MYH9: variants seen among roughly 807,000 people sequenced by gnomAD.
MYH9 encodes the protein myosin-9.
Under a neutral mutation model 241.9 loss-of-function variants are expected in MYH9, and 29 were observed. That is an observed-to-expected ratio of 0.12 (90% CI 0.09 to 0.16). The LOEUF (loss-of-function observed/expected upper bound fraction) is 0.16, where lower values mean the gene tolerates loss of function less well. MYH9 is among the 10% of genes least tolerant of loss of function. The pLI, the probability that MYH9 is intolerant of heterozygous loss-of-function variation, is 1.00. For synonymous variants in MYH9, 1,047 were observed against 1,062.6 expected, an observed-to-expected ratio of 0.99 and a Z score of 0.29; for missense variants, 1,803 against 2,595.5, an observed-to-expected ratio of 0.69 and a Z score of 6.63.
At position 36,305,723 on chromosome 22, in the gene MYH9, T is replaced by A. The variant is rs1173123279; in HGVS notation, c.2159+207A>T. On this transcript the variant is annotated intron_variant, in intron 17 of 40. Transcript: ENST00000216181. The surrounding 1 kb of genome is among the most constrained non-coding windows in gnomAD (Gnocchi z 4.7). ...GTCAACAGGATGATGATGACCTGCATTTCGGTATTAAAATGGGGAAGTCTC... is the reference window on the plus strand; with the variant it reads ...GTCAACAGGATGATGATGACCTGCAATTCGGTATTAAAATGGGGAAGTCTC... Among the ~76,000 whole-genome samples the A allele has an allele frequency of 6.6e-6, 1 of 152,166 alleles. No homozygotes were observed. Among genetic ancestry groups the A allele is most frequent in the Admixed American group, 6.5e-5 (1 of 15,290 alleles).
intron 1 of MYH9, among the ~76,000 whole-genome samples, chr22:36,385,115 A>G (rs1005765666): frequency 2.6e-5 from 4 of 151,682 alleles, no homozygotes; most frequent in Non-Finnish European, 4.4e-5. Context: ...GTTATTCTAA[A>G]TATTTTTGGA....
intron 5 of MYH9, among the ~76,000 whole-genome samples, 193 bp downstream of exon 5, chr22:36,326,375 G>C (rs972082267): frequency 5.9e-5 from 9 of 152,232 alleles, no homozygotes; most frequent in Admixed American, 5.9e-4. Flanking sequence ...GCCAAGGATG[G>C]AATGGGCTTG....
chr22:36,294,884 G>C (rs1477900814), intron 27 of MYH9, 48 bp downstream of exon 27: 12 of 1,603,750 alleles, frequency 7.5e-6, no homozygotes, highest in Non-Finnish European at 6.8e-6. Flanking sequence ...TGTGGGCCCA[G>C]CACGGGGAAC....
intron 1 of MYH9, among the ~76,000 whole-genome samples, chr22:36,362,997 A>T (rs1365412755): frequency 6.6e-6 from 1 of 151,784 alleles, no homozygotes; most frequent in Non-Finnish European, 1.5e-5. Flanking sequence ...ACAACCCTCC[A>T]TTCCAGTCAC....
Position 36,288,313 on chromosome 22 carries a change from G to C in MYH9, c.4871C>G (p.Ala1624Gly). 2 of 1,614,098 alleles carry C rather than the reference G, an allele frequency of 1.2e-6. No individual in the cohort carries two copies. Among genetic ancestry groups the C allele is most frequent in the Non-Finnish European group, 1.7e-6 (2 of 1,180,022 alleles). The change falls in exon 34 of 41, where the codon GCG becomes GGG. Residue 1624 changes from alanine (A) to glycine (G), a missense_variant. By Grantham distance (60) the Ala-to-Gly change is moderately conservative. This residue lies in a region of MYH9 where 876 missense variants were observed against 1,077.8 expected (regional missense o/e 0.81). Coordinates refer to ENST00000216181, the MANE Select transcript of MYH9 (RefSeq NM_002473.6). The surrounding 1 kb of genome is among the most constrained non-coding windows in gnomAD (Gnocchi z 4.8). ...KLEMDLKDLE[A>G]HIDSANKNRD... ...GTTCTTGTTGGCCGAGTCGATGTGC[G>C]CCTCCAGGTCCTTCAGGTCCATCTC...
rs534497875 is a variant in MYH9 at position 36,308,150 on chromosome 22, T to C, written c.1843+1132A>G. Among the ~76,000 whole-genome samples the C allele has an allele frequency of 7.9e-5, 12 of 152,250 alleles. No homozygotes were observed. In the East Asian group the frequency reaches 1.9e-3, roughly 24 times the overall value. On this transcript the variant is annotated intron_variant, in intron 15 of 40. Transcript: ENST00000216181. ...GCTTTCAGGTGCACAGACACAGCAG[T>C]GTGCATACCTGAACCTCATGCTAAG...
rs1284920497 is a variant in MYH9 at position 36,295,335 on chromosome 22, A to C, written c.3485+170T>G. 7.9e-5 allele frequency among the ~76,000 whole-genome samples: 12 copies of C among 151,474 alleles called. No individual in the cohort carries two copies. Among genetic ancestry groups the C allele is most frequent in the Admixed American group, 7.2e-4 (11 of 15,214 alleles). Reference sequence around the variant, plus strand: ...AGCCAGGTCCTTCAACAGACTTTCTACTCTGTAGAGAGAAACCGCTGAGGA... The same window carrying C: ...AGCCAGGTCCTTCAACAGACTTTCTCCTCTGTAGAGAGAAACCGCTGAGGA... On this transcript the variant is annotated intron_variant, in intron 26 of 40. Coordinates refer to ENST00000216181, the MANE Select transcript of MYH9 (RefSeq NM_002473.6). This position sits in a 1 kb window ranked among gnomAD's most constrained non-coding sequence, Gnocchi z 4.1.
chr22:36,304,951 G>T, intron 18 of MYH9, 82 bp downstream of exon 18: 1 of 1,359,368 alleles, frequency 7.4e-7, no homozygotes, highest in Non-Finnish European at 1.0e-6. Flanking sequence ...CACTGATATA[G>T]CAAGGTGGGC....
rs2016747412 is a variant in MYH9, at chr22:36,293,921, A to C, written c.3838-58T>G. On this transcript the variant is annotated intron_variant, in intron 28 of 40. Transcript: ENST00000216181. The surrounding 1 kb of genome is among the most constrained non-coding windows in gnomAD (Gnocchi z 5.1). Reference sequence around the variant, plus strand: ...GACCCACCCCCACTGCTCCTGCCCCACCTCATCTCCTTTAGGTAAAGCTGG... The same window carrying C: ...GACCCACCCCCACTGCTCCTGCCCCCCCTCATCTCCTTTAGGTAAAGCTGG... The C allele has an allele frequency of 6.6e-7, 1 of 1,520,798 alleles. No homozygotes were observed. The highest frequency in any genetic ancestry group is 1.4e-5 in the African/African-American group (1 of 72,922). The allele number at this position is 1,520,798 out of a possible 1,614,324, so 94.2% of individuals were successfully genotyped here.
chr22:36,338,216 T>C (rs2017528851), intron 3 of MYH9, among the ~76,000 whole-genome samples: 1 of 151,832 alleles, frequency 6.6e-6, no homozygotes, highest in Non-Finnish European at 1.5e-5. Context: ...ACCAGACTGG[T>C]CTCAAACTCC....
Position 36,327,971 on chromosome 22 carries a change from G to A in MYH9, c.491-483C>T, listed in dbSNP as rs752254569. Among the ~76,000 whole-genome samples the A allele has an allele frequency of 9.2e-5, 14 of 152,320 alleles. 1 individual carries two copies. Among genetic ancestry groups the A allele is most frequent in the African/African-American group, 2.2e-4 (9 of 41,566 alleles). ...GGGTGACGAGGCCTGGCTTTGCAAC[G>A]GGACAGCCCTGGGATAAGATGCTGC... is the stretch of plus-strand genomic sequence containing the variant. On this transcript the variant is annotated intron_variant, in intron 3 of 40. Transcript: ENST00000216181.
At chr22:36,309,982 G>C (rs899780376) in intron 14 of MYH9, among the ~76,000 whole-genome samples, 2 of 152,154 alleles carry the variant, frequency 1.3e-5, no homozygotes, top group African/African-American at 4.8e-5. Context: ...GGGTGCGGTG[G>C]CTCATGCCTG....
At chr22:36,324,927 T>C in intron 5 of MYH9, 1 of 627,390 alleles carries the variant, frequency 1.6e-6, no homozygotes, top group East Asian at 2.8e-5. Flanking sequence ...ATGTAAGGCA[T>C]ATGATCTATT....
rs752715390 is a variant in MYH9 at position 36,285,813 on chromosome 22, A to G, written c.5151-32T>C. The G allele has an allele frequency of 1.9e-6, 3 of 1,612,824 alleles. No individual in the cohort carries two copies. Among genetic ancestry groups the G allele is most frequent in the South Asian group, 2.2e-5 (2 of 90,974 alleles). On this transcript the variant is annotated intron_variant, in intron 36 of 40. Coordinates refer to ENST00000216181, the MANE Select transcript of MYH9 (RefSeq NM_002473.6). This position sits in a 1 kb window ranked among gnomAD's most constrained non-coding sequence, Gnocchi z 7.0. Reference sequence around the variant, plus strand: ...GGTGGGCGGGAGAAGTGAGGGGCCTACCCTGGGGACACACCTGGTCCCCCC... The same window carrying G: ...GGTGGGCGGGAGAAGTGAGGGGCCTGCCCTGGGGACACACCTGGTCCCCCC...
rs531731360 is a variant in MYH9 at position 36,309,634 on chromosome 22, G to A, written c.1729-238C>T. ...CTCAAAGCAAGGCATGGCCAACAAC[G>A]GGAGCCTGGCTCTAGACATGGCATG... On this transcript the variant is annotated intron_variant, in intron 14 of 40. Transcript: ENST00000216181. Among the ~76,000 whole-genome samples, 26 of 152,354 alleles carry A rather than the reference G, an allele frequency of 1.7e-4. 1 individual carries two copies. Among genetic ancestry groups the A allele is most frequent in the South Asian group, 8.3e-4 (4 of 4,830 alleles).
chr22:36,322,615 C>A, intron 5 of MYH9, 94 bp from the exon 6 acceptor site: 1 of 1,243,120 alleles, frequency 8.0e-7, no homozygotes, highest in Non-Finnish European at 1.2e-6. Context: ...AGAGCCGTGT[C>A]AGCATGTCCA....
At chr22:36,315,452 G>A (rs1398327780) in intron 12 of MYH9, among the ~76,000 whole-genome samples, 1 of 152,256 alleles carries the variant, frequency 6.6e-6, no homozygotes, top group East Asian at 1.9e-4. Flanking sequence ...CAAGGGAGAT[G>A]TCTTATCCCG....
At chr22:36,290,338 C>CAAAAAA (rs530199922) in intron 31 of MYH9, among the ~76,000 whole-genome samples, 1 of 53,720 alleles carries the variant, frequency 1.9e-5, no homozygotes, top group Admixed American at 1.8e-4. Flanking sequence ...AGACAGTCTC[C>CAAAAAA]AAAAAAAAAA....
At chr22:36,337,036 G>A (rs568828792) in intron 3 of MYH9, among the ~76,000 whole-genome samples, 3 of 151,866 alleles carry the variant, frequency 2.0e-5, no homozygotes, top group South Asian at 4.1e-4. Context: ...TTCCTGCATC[G>A]AGTCTCAAAT....
Sources: gnomAD v4.1 joint callset for allele counts (sites outside exome capture counted in the v4.1 genomes callset) on GRCh38, gnomAD v4.1.1 for gene constraint, gnomAD v4.1.1 regional missense constraint, Gnocchi (gnomAD v3.1) non-coding constraint, MANE v1.5 for transcripts, NCBI Gene and HGNC (gene_info 2026-07-23, HGNC 2026-07-21) for gene names.